Variants in GRID2 observed in about 807,000 individuals in gnomAD.
The protein encoded by GRID2 is glutamate receptor ionotropic, delta-2.
In GRID2, 33 loss-of-function variants were observed where a neutral mutation model predicts 114.8. The observed-to-expected ratio is 0.29, with a 90% CI of 0.22 to 0.38. The LOEUF is 0.38. GRID2 is among the 10% of genes least tolerant of loss of function. GRID2 has a pLI of 1.00. For missense variants in GRID2, 1,184 were observed against 1,257.7 expected (o/e 0.94, Z 0.89); for synonymous variants, 505 against 449.9 (o/e 1.12, Z -1.55).
Position 93,311,220 on chromosome 4 carries a change from GTCTCAAAAAGCCA to G in GRID2, c.1245+72738_1245+72750del, listed in dbSNP as rs1755976029. Among the ~76,000 whole-genome samples the G allele has an allele frequency of 2.0e-5, 3 of 152,220 alleles. No homozygotes were observed. The South Asian group carries it at 6.2e-4, about 32-fold the overall frequency. On this transcript the variant is annotated intron_variant, in intron 8 of 15. Transcript: ENST00000282020. ...CAGCTGAAGAGACAGCTGGAGTCAG[GTCTCAAAAAGCCA>G]TCTCAAATTCTCAGGCTGGCTAATG...
At chr4:93,690,829 T>C (rs530597608) in intron 14 of GRID2, among the ~76,000 whole-genome samples, 14 of 150,886 alleles carry the variant, frequency 9.3e-5, no homozygotes, top group African/African-American at 3.1e-4. Flanking sequence ...ATGAAAGGCT[T>C]ATTTTATATA....
intron 2 of GRID2, among the ~76,000 whole-genome samples, chr4:92,990,320 T>C (rs931726117): frequency 6.6e-6 from 1 of 150,850 alleles, no homozygotes; most frequent in African/African-American, 2.4e-5. Flanking sequence ...TGTGTGTGTG[T>C]GTGTGTGTAT....
chr4:92,744,331 T>A (rs1333644708), intron 2 of GRID2, among the ~76,000 whole-genome samples: 5 of 151,736 alleles, frequency 3.3e-5, no homozygotes, highest in Non-Finnish European at 5.9e-5. Context: ...CTACTAAAAG[T>A]ACAAAAATTA....
At chr4:93,233,282 A>T (rs1746348837) in intron 7 of GRID2, among the ~76,000 whole-genome samples, 1 of 152,064 alleles carries the variant, frequency 6.6e-6, no homozygotes, top group Middle Eastern at 3.4e-3. Flanking sequence ...AAATTTCCAA[A>T]TTTTATTCAA....
intron 14 of GRID2, among the ~76,000 whole-genome samples, chr4:93,768,065 G>A (rs144140092): frequency 1.1e-3 from 164 of 152,228 alleles, no homozygotes; most frequent in African/African-American, 3.3e-3. Context: ...CAACTTGCAC[G>A]CTGAAGTGTC....
intron 2 of GRID2, among the ~76,000 whole-genome samples, chr4:92,765,275 C>T (rs1738204518): frequency 6.6e-6 from 1 of 152,100 alleles, no homozygotes; most frequent in South Asian, 2.1e-4. Flanking sequence ...TGTTACAGAA[C>T]ACATGGAACT....
intron 3 of GRID2, among the ~76,000 whole-genome samples, chr4:93,097,573 G>A (rs1285283262): frequency 5.9e-5 from 9 of 151,830 alleles, no homozygotes; most frequent in South Asian, 2.1e-4. Flanking sequence ...TTTGCAGGGT[G>A]CATAGCAACA....
intron 2 of GRID2, among the ~76,000 whole-genome samples, chr4:92,656,805 A>AT (rs990414899): frequency 2.0e-5 from 3 of 151,726 alleles, no homozygotes; most frequent in Non-Finnish European, 1.5e-5. Flanking sequence ...TTTAAAGAAC[A>AT]TTTTTTAGCA....
At chr4:92,676,517 G>A (rs902691034) in intron 2 of GRID2, among the ~76,000 whole-genome samples, 4 of 151,874 alleles carry the variant, frequency 2.6e-5, no homozygotes, top group Non-Finnish European at 4.4e-5. Flanking sequence ...ACGTTTCTTG[G>A]CTTTTTTATT....
chr4:92,574,693 G>A (rs1260176447), intron 1 of GRID2, among the ~76,000 whole-genome samples: 5 of 152,120 alleles, frequency 3.3e-5, no homozygotes, highest in Non-Finnish European at 7.3e-5. Context: ...GAGGTCCACT[G>A]TTAGTCTGAT....
At chr4:92,737,081 A>C (rs936663013) in intron 2 of GRID2, among the ~76,000 whole-genome samples, 6 of 152,094 alleles carry the variant, frequency 3.9e-5, no homozygotes, top group African/African-American at 1.4e-4. Flanking sequence ...GGCAGAAAGC[A>C]AACATTCAGG....
intron 8 of GRID2, among the ~76,000 whole-genome samples, chr4:93,370,762 C>T (rs1406330521): frequency 6.6e-6 from 1 of 151,990 alleles, no homozygotes; most frequent in South Asian, 2.1e-4. Flanking sequence ...GCATCATATG[C>T]GATCGTGTTT....
intron 2 of GRID2, among the ~76,000 whole-genome samples, chr4:92,705,143 TAAG>T: frequency 6.6e-6 from 1 of 152,292 alleles, no homozygotes; most frequent in African/African-American, 2.4e-5. Context: ...ATACCTGTAA[TAAG>T]AGTATTTTCT....
At chr4:93,098,001 A>C (rs971295587) in intron 3 of GRID2, among the ~76,000 whole-genome samples, 1 of 151,964 alleles carries the variant, frequency 6.6e-6, no homozygotes, top group African/African-American at 2.4e-5. Flanking sequence ...AATTTCAGAT[A>C]TCTCACCTTT....
rs115002582 is a variant in GRID2, at chr4:92,591,692, C to A, written c.244+1406C>A. On this transcript the variant is annotated intron_variant, in intron 2 of 15. Coordinates refer to ENST00000282020, the MANE Select transcript of GRID2 (RefSeq NM_001510.4). ...ATTGAAATATATTTTCAATCAATAG[C>A]ACTGGCTACTGTTGAAACTTATTTA... 3.1e-3 allele frequency among the ~76,000 whole-genome samples: 468 copies of A among 152,102 alleles called. 1 individual carries two copies. Among genetic ancestry groups the A allele is most frequent in the Non-Finnish European group, 4.9e-3 (330 of 67,976 alleles).
chr4:92,943,526 T>C (rs751935550), intron 2 of GRID2, among the ~76,000 whole-genome samples: 5 of 151,510 alleles, frequency 3.3e-5, no homozygotes, highest in Non-Finnish European at 7.4e-5. Context: ...GGGTTCGAAC[T>C]TCCTCCTTTA....
chr4:93,443,416 G>A (rs2149394949), intron 10 of GRID2, among the ~76,000 whole-genome samples: 1 of 151,968 alleles, frequency 6.6e-6, no homozygotes, highest in Admixed American at 6.6e-5. Context: ...GGACATATGT[G>A]CTGAAAAAAA....
At chr4:93,583,142 T>C (rs1453415531) in intron 13 of GRID2, among the ~76,000 whole-genome samples, 2 of 152,152 alleles carry the variant, frequency 1.3e-5, no homozygotes, top group Non-Finnish European at 2.9e-5. Context: ...ACAAATATAC[T>C]TTCATTAAAG....
chr4:92,527,933 C>T (rs1725124471), intron 1 of GRID2, among the ~76,000 whole-genome samples: 1 of 152,032 alleles, frequency 6.6e-6, no homozygotes, highest in Non-Finnish European at 1.5e-5. Context: ...GGTTACAGTG[C>T]TCCATTCTTA....
Sources: gnomAD v4.1 joint callset for allele counts (sites outside exome capture counted in the v4.1 genomes callset) on GRCh38, gnomAD v4.1.1 for gene constraint, MANE v1.5 for transcripts, NCBI Gene and HGNC (gene_info 2026-07-23, HGNC 2026-07-21) for gene names.